CTBP1: variants seen among roughly 807,000 people sequenced by gnomAD.
CTBP1 encodes C-terminal binding protein 1, also known as C-terminal-binding protein 1.
A neutral mutation model predicts 42.1 loss-of-function variants in CTBP1; 11 were observed. The ratio of observed to expected loss-of-function variants is 0.26; its 90% CI spans 0.16 to 0.43. The LOEUF (loss-of-function observed/expected upper bound fraction) is 0.43, where lower values mean the gene tolerates loss of function less well. Among genes scored for constraint, CTBP1 ranks in the 20% least tolerant of loss-of-function variants. The pLI is 1.00. For synonymous variants in CTBP1, 324 were observed against 277.1 expected (o/e 1.17, Z -1.68); for missense variants, 399 against 624.3 (o/e 0.64, Z 3.85).
intron 7 of CTBP1, 150 bp downstream of exon 7, chr4:1,214,193 C>T (rs1270409453): frequency 1.5e-5 from 16 of 1,059,372 alleles, no homozygotes; most frequent in South Asian, 9.9e-5. Flanking sequence ...ATCCTCACCC[C>T]GCAGCGGGCG....
intron 5 of CTBP1, among the ~76,000 whole-genome samples, chr4:1,219,656 T>C (rs750580199): frequency 6.6e-6 from 1 of 152,200 alleles, no homozygotes; most frequent in Non-Finnish European, 1.5e-5. Context: ...TGTAAATCTG[T>C]GTTTATCTGC....
chr4:1,238,121 C>T lies in CTBP1; in HGVS notation c.162+62G>A, dbSNP rs949542128. On this transcript the variant is annotated intron_variant, in intron 3 of 9. Coordinates refer to ENST00000382952, the MANE Select transcript of CTBP1 (RefSeq NM_001012614.2). The surrounding 1 kb of genome is among the most constrained non-coding windows in gnomAD (Gnocchi z 5.9). ...GCTGTGGCCCGGGCCTGCCGTGCTCCCGTCCCTCCAACTCCCCCCAACGTG... is the reference window on the plus strand; with the variant it reads ...GCTGTGGCCCGGGCCTGCCGTGCTCTCGTCCCTCCAACTCCCCCCAACGTG... 1 of 1,607,508 alleles carries T rather than the reference C, an allele frequency of 6.2e-7. No homozygotes were observed.
At chr4:1,212,749 C>G in intron 9 of CTBP1, 164 bp downstream of exon 9, 1 of 666,438 alleles carries the variant, frequency 1.5e-6, no homozygotes, top group Non-Finnish European at 2.6e-6. Flanking sequence ...CCAAGAGGCC[C>G]TGGTTCTCAT....
intron 2 of CTBP1, among the ~76,000 whole-genome samples, chr4:1,239,222 A>C (rs1046644381): frequency 2.0e-5 from 3 of 152,202 alleles, no homozygotes; most frequent in Non-Finnish European, 4.4e-5. Flanking sequence ...GGCGTCACAG[A>C]AGCATGGCAG....
chr4:1,220,750 C>T (rs77266741), intron 5 of CTBP1, among the ~76,000 whole-genome samples: 1,807 of 152,392 alleles, frequency 0.012, 8 homozygotes, highest in Non-Finnish European at 0.018. Flanking sequence ...AAGGAGGGCT[C>T]CTCGGCGCAT....
intron 1 of CTBP1, among the ~76,000 whole-genome samples, chr4:1,246,288 C>T (rs1032511701): frequency 2.0e-5 from 3 of 152,130 alleles, no homozygotes; most frequent in Admixed American, 6.5e-5. Flanking sequence ...CCCGGCGCTC[C>T]GACCAGCGTT....
chr4:1,222,767 G>A lies in CTBP1; in HGVS notation c.514+2593C>T, dbSNP rs371341112. 7.9e-4 allele frequency among the ~76,000 whole-genome samples: 108 copies of A among 137,420 alleles called. 1 individual carries two copies. The South Asian group carries it at 0.025, about 32-fold the overall frequency. The allele number at this position is 137,420 out of a possible 152,430, so 90.2% of individuals were successfully genotyped here. On this transcript the variant is annotated intron_variant, in intron 5 of 9. Transcript: ENST00000382952. ...AGCTCCACAATCAGCCTGGGAAGGC[G>A]CCGCCCTCAGGCCTCAGAGTGGCCA...
intron 3 of CTBP1, chr4:1,237,824 C>T: frequency 1.4e-6 from 1 of 695,976 alleles, no homozygotes; most frequent in Non-Finnish European, 2.6e-6. Flanking sequence ...CGAGTGTCCA[C>T]CTCCTGATGG....
At chr4:1,240,975 G>A (rs868767382) in intron 2 of CTBP1, among the ~76,000 whole-genome samples, 2 of 152,242 alleles carry the variant, frequency 1.3e-5, no homozygotes, top group African/African-American at 2.4e-5. Context: ...TGGGCCAGCC[G>A]GGTGGACACC....
chr4:1,247,967 C>A (rs540028424), intron 1 of CTBP1, among the ~76,000 whole-genome samples: 63 of 152,368 alleles, frequency 4.1e-4, no homozygotes, highest in African/African-American at 1.5e-3. Context: ...GGATCTGGCC[C>A]AGGCCGGGCT....
chr4:1,238,437 C>T lies in CTBP1; in HGVS notation c.8-100G>A, dbSNP rs552745325. On this transcript the variant is annotated intron_variant, in intron 2 of 9. Coordinates refer to ENST00000382952, the MANE Select transcript of CTBP1 (RefSeq NM_001012614.2). This position sits in a 1 kb window ranked among gnomAD's most constrained non-coding sequence, Gnocchi z 5.9. ...TGTGCACGGGCCAACGAGGGCCGAC[C>T]GCCGGGGGTTTTCTGGTCTATATGT... 125 of 1,388,742 alleles carry T rather than the reference C, an allele frequency of 9.0e-5. 1 individual carries two copies. The highest frequency in any genetic ancestry group is 1.0e-4 in the Non-Finnish European group (109 of 1,042,552). 86.0% of individuals were successfully genotyped at this position (1,388,742 alleles called of 1,614,324 possible).
At chr4:1,247,023 G>A (rs73069941) in intron 1 of CTBP1, among the ~76,000 whole-genome samples, 1,883 of 152,242 alleles carry the variant, frequency 0.012, 48 homozygotes, top group African/African-American at 0.043. Context: ...ACCAAGGCTC[G>A]TCCCACTCAT....
At chr4:1,224,302 C>A (rs149225849) in intron 5 of CTBP1, among the ~76,000 whole-genome samples, 2 of 151,568 alleles carry the variant, frequency 1.3e-5, no homozygotes, top group Admixed American at 6.6e-5. Flanking sequence ...TGTCCCCGTG[C>A]GGCCCATGTG....
Position 1,238,139 on chromosome 4 carries a change from C to T in CTBP1, c.162+44G>A, listed in dbSNP as rs200450670. Reference sequence around the variant, plus strand: ...CGTGCTCCCGTCCCTCCAACTCCCCCCAACGTGCGGTTCTGCCAGCCCCAG... The same window carrying T: ...CGTGCTCCCGTCCCTCCAACTCCCCTCAACGTGCGGTTCTGCCAGCCCCAG... On this transcript the variant is annotated intron_variant, in intron 3 of 9. Coordinates refer to ENST00000382952, the MANE Select transcript of CTBP1 (RefSeq NM_001012614.2). The surrounding 1 kb of genome is among the most constrained non-coding windows in gnomAD (Gnocchi z 5.9). 2.9e-4 allele frequency: 462 copies of T among 1,612,026 alleles called. No homozygotes were observed. Among genetic ancestry groups the T allele is most frequent in the African/African-American group, 4.5e-4 (34 of 75,056 alleles).
chr4:1,227,500 G>A (rs570128145), intron 4 of CTBP1, among the ~76,000 whole-genome samples: 4 of 148,806 alleles, frequency 2.7e-5, no homozygotes, highest in Non-Finnish European at 5.9e-5. Flanking sequence ...ATGTGCACGG[G>A]TGCAGATGAG....
intron 1 of CTBP1, among the ~76,000 whole-genome samples, chr4:1,245,804 T>G (rs1577083597): frequency 1.3e-5 from 2 of 151,716 alleles, no homozygotes; most frequent in East Asian, 1.9e-4. Context: ...TTAACGGCGG[T>G]GCCAGGGGAG....
In CTBP1 at chr4:1,248,882, C is replaced by T. The variant is rs758693334; in HGVS notation, c.-189+34G>A. 96 of 969,128 alleles carry T rather than the reference C, an allele frequency of 9.9e-5. No homozygotes were observed. The Admixed American group carries it at 1.2e-3, about 12-fold the overall frequency. The allele number at this position is 969,128 out of a possible 1,614,324, so 60.0% of individuals were successfully genotyped here. A position where few individuals can be genotyped will look rare whatever the true frequency, so the allele number is the denominator to read the frequency against. On this transcript the variant is annotated intron_variant, in intron 1 of 9. Transcript: ENST00000382952. ...GGCACCCGCCCCGCCCCGCCCCCGC[C>T]CGCGGCCGGAAACGCGCGCGCGCGC...
At position 1,233,784 on chromosome 4, in the gene CTBP1, C is replaced by A. The variant is rs1731205406; in HGVS notation, c.162+4399G>T. 1.3e-5 allele frequency among the ~76,000 whole-genome samples: 2 copies of A among 152,228 alleles called. No individual in the cohort carries two copies. Among genetic ancestry groups the A allele is most frequent in the Admixed American group, 1.3e-4 (2 of 15,286 alleles). On this transcript the variant is annotated intron_variant, in intron 3 of 9. Transcript: ENST00000382952. The surrounding 1 kb of genome is among the most constrained non-coding windows in gnomAD (Gnocchi z 4.6). ...TCACGTTCTCTCCCTCCACGGCACT[C>A]AGACGGCGGCGACCTCCAACCAGCT...
chr4:1,212,841 G>A, intron 9 of CTBP1, 72 bp downstream of exon 9: 4 of 1,331,618 alleles, frequency 3.0e-6, no homozygotes, highest in Non-Finnish European at 4.3e-6. Context: ...CCTCCCACCA[G>A]GGGCTGTGCT....
Sources: gnomAD v4.1 joint callset for allele counts (sites outside exome capture counted in the v4.1 genomes callset) on GRCh38, gnomAD v4.1.1 for gene constraint, Gnocchi (gnomAD v3.1) non-coding constraint, MANE v1.5 for transcripts, NCBI Gene and HGNC (gene_info 2026-07-23, HGNC 2026-07-21) for gene names.